The following EHMT1 variants were observed in gnomAD, a reference collection of about 807,000 sequenced individuals.
The protein encoded by EHMT1 is histone-lysine N-methyltransferase EHMT1.
In EHMT1, 15 loss-of-function variants were observed where a neutral mutation model predicts 147.2. The ratio of observed to expected loss-of-function variants is 0.10; its 90% CI spans 0.07 to 0.16. EHMT1 has a LOEUF of 0.16. EHMT1 is among the 10% of genes least tolerant of loss of function. The probability of loss-of-function intolerance (pLI) is 1.00; values close to 1 mark genes in which losing one functional copy is unlikely to be tolerated. For missense variants in EHMT1, 1,587 were observed against 1,772.4 expected (o/e 0.90, Z 1.88); for synonymous variants, 795 against 709.6 (o/e 1.12, Z -1.91).
chr9:137,811,731 T>C, intron 19 of EHMT1, 116 bp downstream of exon 19: 1 of 1,374,538 alleles, frequency 7.3e-7, no homozygotes, highest in Non-Finnish European at 1.0e-6. Flanking sequence ...AGGCCCTCTG[T>C]TCCTTCGTGT....
chr9:137,695,938 G>A (rs1006183054), intron 1 of EHMT1, among the ~76,000 whole-genome samples: 23 of 152,218 alleles, frequency 1.5e-4, no homozygotes. Flanking sequence ...CGAAAGAACT[G>A]GACAAAGGCA....
chr9:137,717,036 A>C lies in EHMT1; in HGVS notation c.496A>C (p.Ser166Arg). Residue 166 changes from serine (S) to arginine (R), a missense_variant, in exon 3 of 27, where the codon AGC becomes CGC. By Grantham distance (110) the Ser-to-Arg change is moderately radical (BLOSUM62 -1). Transcript: ENST00000460843. ...PGGAGKGRTPSAFPQTPAAPP... is the reference protein window; with the variant it reads ...PGGAGKGRTPRAFPQTPAAPP... ...AGGGGCTGGCAAAGGCAGGACTCCA[A>C]GCGCTTTTCCCCAGACGCCAGCCGC... The C allele has an allele frequency of 6.2e-7, 1 of 1,607,210 alleles. No individual in the cohort carries two copies. Among genetic ancestry groups the C allele is most frequent in the Non-Finnish European group, 8.5e-7 (1 of 1,175,912 alleles).
At chr9:137,817,872 T>TC (rs1564819434) in intron 24 of EHMT1, 188 bp from the exon 25 acceptor site, 2 of 658,896 alleles carry the variant, frequency 3.0e-6, no homozygotes, top group African/African-American at 3.6e-5. Context: ...TCGGTATCGT[T>TC]ATCATCATCC....
At chr9:137,711,625 G>T (rs1323420794) in intron 2 of EHMT1, among the ~76,000 whole-genome samples, 1 of 152,196 alleles carries the variant, frequency 6.6e-6, no homozygotes, top group African/African-American at 2.4e-5. Flanking sequence ...AGAGAGGCAG[G>T]GTGAGGGGAG....
chr9:137,789,607 C>G (rs1225703773), intron 15 of EHMT1, among the ~76,000 whole-genome samples: 1 of 152,262 alleles, frequency 6.6e-6, no homozygotes, highest in East Asian at 1.9e-4. Flanking sequence ...GCCTCCAGGC[C>G]TCAGCCTTCT....
At chr9:137,703,587 T>A (rs1321417698) in intron 1 of EHMT1, among the ~76,000 whole-genome samples, 1 of 152,194 alleles carries the variant, frequency 6.6e-6, no homozygotes. Flanking sequence ...CGCCTGTCTC[T>A]TTGCTAAAGC....
intron 3 of EHMT1, among the ~76,000 whole-genome samples, chr9:137,721,800 A>G (rs1023491640): frequency 3.9e-5 from 6 of 152,116 alleles, no homozygotes; most frequent in African/African-American, 9.7e-5. Context: ...TTTGTCAGCT[A>G]TGTGGTTTCC....
intron 2 of EHMT1, 65 bp from the exon 3 acceptor site, chr9:137,716,561 G>T (rs1040127461): frequency 6.8e-7 from 1 of 1,478,298 alleles, no homozygotes. Flanking sequence ...GGAGGAAGTG[G>T]TGGTGGTGGT....
At chr9:137,635,803 G>C (rs543806803) in intron 1 of EHMT1, among the ~76,000 whole-genome samples, 4 of 151,706 alleles carry the variant, frequency 2.6e-5, no homozygotes, top group Non-Finnish European at 5.9e-5. Context: ...CTGGGCGACA[G>C]AGCGAGACTG....
Position 137,787,826 on chromosome 9 carries a change from G to T in EHMT1, c.2383-3022G>T, listed in dbSNP as rs1159103668. On this transcript the variant is annotated intron_variant, in intron 15 of 26. Coordinates refer to ENST00000460843, the MANE Select transcript of EHMT1 (RefSeq NM_024757.5). The surrounding 1 kb of genome is among the most constrained non-coding windows in gnomAD (Gnocchi z 4.2). Reference sequence around the variant, plus strand: ...CTCAGGTTTCAGGGGCCACCCCCCAGTAGGCAGAGCTGGTTGACGGTGGAC... The same window carrying T: ...CTCAGGTTTCAGGGGCCACCCCCCATTAGGCAGAGCTGGTTGACGGTGGAC... 6 of 962,654 alleles carry T rather than the reference G, an allele frequency of 6.2e-6. No homozygotes were observed. The highest frequency in any genetic ancestry group is 1.0e-5 in the Non-Finnish European group (6 of 589,304). The allele number at this position is 962,654 out of a possible 1,614,324, so 59.6% of individuals were successfully genotyped here.
chr9:137,812,908 C>G (rs1156445110), intron 19 of EHMT1, 98 bp from the exon 20 acceptor site: 1 of 1,517,538 alleles, frequency 6.6e-7, no homozygotes, highest in Non-Finnish European at 9.1e-7. Flanking sequence ...ATAGTGTTCC[C>G]TTTATTGTTA....
Position 137,782,979 on chromosome 9 carries a change from CCT to C in EHMT1, c.2382+583_2382+584del, listed in dbSNP as rs1397764753. Among the ~76,000 whole-genome samples, 10 of 152,180 alleles carry C rather than the reference CCT, an allele frequency of 6.6e-5. No homozygotes were observed. The highest frequency in any genetic ancestry group is 7.3e-5 in the Non-Finnish European group (5 of 68,044). ...CTTCCCTGATCCCGGTGTTGGATCC[CCT>C]GTTTCTCAAGTGCCAGGTTTGAGTC... On this transcript the variant is annotated intron_variant, in intron 15 of 26. Transcript: ENST00000460843. The surrounding 1 kb of genome is among the most constrained non-coding windows in gnomAD (Gnocchi z 5.7).
At chr9:137,680,995 A>G (rs1286966979) in intron 1 of EHMT1, 1 of 151,614 alleles carries the variant, frequency 6.6e-6, no homozygotes, top group East Asian at 1.9e-4. Flanking sequence ...CAGTTGGGAG[A>G]CCCCGAAAGT....
chr9:137,734,748 T>C (rs1947390697), intron 4 of EHMT1, among the ~76,000 whole-genome samples: 1 of 152,200 alleles, frequency 6.6e-6, no homozygotes, highest in Admixed American at 6.5e-5. Context: ...GTGAGATCAT[T>C]GGCAGGTTTC....
chr9:137,621,634 AC>A (rs1842943742), intron 1 of EHMT1, among the ~76,000 whole-genome samples: 1 of 152,098 alleles, frequency 6.6e-6, no homozygotes, highest in African/African-American at 2.4e-5. Flanking sequence ...AAGAAAAAAA[AC>A]TACTGAGGTA....
intron 1 of EHMT1, among the ~76,000 whole-genome samples, chr9:137,650,572 C>T (rs184079563): frequency 4.7e-4 from 71 of 151,944 alleles, no homozygotes; most frequent in Middle Eastern, 3.4e-3. Flanking sequence ...ATATCCTTTG[C>T]CCATTTTAAA....
At chr9:137,743,629 AG>A in intron 5 of EHMT1, 101 bp downstream of exon 5, 1 of 1,548,498 alleles carries the variant, frequency 6.5e-7, no homozygotes, top group South Asian at 1.1e-5. Context: ...GTCCCCGGGA[AG>A]GTGCCAGTGC....
intron 1 of EHMT1, among the ~76,000 whole-genome samples, chr9:137,695,146 C>T (rs888307613): frequency 2.6e-5 from 4 of 152,218 alleles, no homozygotes; most frequent in East Asian, 1.9e-4. Flanking sequence ...CCTGGATTAC[C>T]GGCCGCCCGG....
intron 1 of EHMT1, 112 bp from the exon 2 acceptor site, chr9:137,710,847 TGTCCAGCA>T (rs1159787832): frequency 9.1e-7 from 1 of 1,103,372 alleles, no homozygotes; most frequent in African/African-American, 1.6e-5. Context: ...TAAATCTGAC[TGTCCAGCA>T]GCTCATGGTG....
Sources: allele counts gnomAD v4.1 joint callset (sites outside exome capture counted in the v4.1 genomes callset), GRCh38; gene constraint gnomAD v4.1.1; non-coding constraint Gnocchi (gnomAD v3.1); transcripts MANE v1.5; gene names NCBI Gene and HGNC (gene_info 2026-07-23, HGNC 2026-07-21).